The following GTF2A1 variants were observed in gnomAD, a reference collection of about 807,000 sequenced individuals.
GTF2A1 encodes general transcription factor IIA subunit 1.
GTF2A1 carries 12 observed loss-of-function variants against 54.1 expected under a neutral mutation model. That is an observed-to-expected ratio of 0.22 (90% CI 0.14 to 0.36). The LOEUF (loss-of-function observed/expected upper bound fraction) is 0.36, where lower values mean the gene tolerates loss of function less well. Ranked by LOEUF, GTF2A1 falls within the 10% of genes least tolerant of loss-of-function variation. GTF2A1 has a pLI of 1.00. For missense variants in GTF2A1, 335 were observed against 442.2 expected, an observed-to-expected ratio of 0.76 and a Z score of 2.17; for synonymous variants, 145 against 152.0, an observed-to-expected ratio of 0.95 and a Z score of 0.34.
At chr14:81,203,156 A>G (rs1294355035) in intron 3 of GTF2A1, among the ~76,000 whole-genome samples, 1 of 152,218 alleles carries the variant, frequency 6.6e-6, no homozygotes, top group Non-Finnish European at 1.5e-5. Flanking sequence ...TTCTGGGCTC[A>G]GATTTTCCTC....
chr14:81,193,167 CTT>C (rs766925954), intron 6 of GTF2A1, among the ~76,000 whole-genome samples: 16 of 139,700 alleles, frequency 1.1e-4, no homozygotes, highest in Admixed American at 1.4e-4. Flanking sequence ...CTGGGTCTAC[CTT>C]TTTTTTTTTT....
chr14:81,187,930 TACATTTCCACCA>T (rs1566852026), intron 7 of GTF2A1, among the ~76,000 whole-genome samples: 9 of 152,166 alleles, frequency 5.9e-5, no homozygotes, highest in Non-Finnish European at 1.2e-4. Flanking sequence ...TGTACCATTT[TACATTTCCACCA>T]ACAATGCACA....
intron 1 of GTF2A1, among the ~76,000 whole-genome samples, chr14:81,220,143 G>A (rs1382843016): frequency 1.3e-5 from 2 of 151,176 alleles, no homozygotes; most frequent in African/African-American, 2.4e-5. Context: ...CCCTCGGGGG[G>A]AAGCGGCGGC....
At chr14:81,180,440 A>G (rs1892616742) in intron 8 of GTF2A1, 110 bp from the exon 9 acceptor site, 3 of 576,292 alleles carry the variant, frequency 5.2e-6, no homozygotes, top group Non-Finnish European at 9.5e-6. Context: ...CCCCCACAAA[A>G]CAGTATTTAC....
At chr14:81,196,863 T>A (rs560111243) in intron 5 of GTF2A1, among the ~76,000 whole-genome samples, 122 of 152,158 alleles carry the variant, frequency 8.0e-4, no homozygotes, top group African/African-American at 2.8e-3. Flanking sequence ...ATTTACAAAT[T>A]AACAAAAATA....
intron 2 of GTF2A1, chr14:81,210,014 G>C (rs909836594): frequency 5.0e-6 from 3 of 597,746 alleles, no homozygotes; most frequent in Admixed American, 2.8e-5. Context: ...TGACATTTTC[G>C]GCAGGACAAT....
At position 81,220,579 on chromosome 14, in the gene GTF2A1, A is replaced by C; in HGVS notation, c.-61T>G. On this transcript the variant is annotated 5_prime_UTR_variant, in exon 1 of 9. Coordinates refer to ENST00000553612, the MANE Select transcript of GTF2A1 (RefSeq NM_015859.4). ...AAGAAAACAAGATAAAAACAAAACCAAAAAAAAAAAAACTATAACACCCGG... is the reference window on the plus strand; with the variant it reads ...AAGAAAACAAGATAAAAACAAAACCCAAAAAAAAAAAACTATAACACCCGG... 1 of 629,416 alleles carries C rather than the reference A, an allele frequency of 1.6e-6. No homozygotes were observed. Among genetic ancestry groups the C allele is most frequent in the Non-Finnish European group, 2.2e-6 (1 of 450,972 alleles). 39.0% of individuals were successfully genotyped at this position (629,416 alleles called of 1,614,324 possible). A position where few individuals can be genotyped will look rare whatever the true frequency, so the allele number is the denominator to read the frequency against.
chr14:81,184,557 T>C (rs893807859), intron 8 of GTF2A1, among the ~76,000 whole-genome samples: 4 of 152,160 alleles, frequency 2.6e-5, no homozygotes, highest in Admixed American at 2.0e-4. Context: ...GTAAATAAGA[T>C]CCATAGTGTT....
Position 81,219,697 on chromosome 14 carries a change from G to A in GTF2A1, c.30+792C>T, listed in dbSNP as rs905947885. On this transcript the variant is annotated intron_variant, in intron 1 of 8. Transcript: ENST00000553612. ...TCACACTGCGTTGGTGACTGAAAAG[G>A]TTATTTATGTGACTGCTTTTTGCAA... 2.0e-5 allele frequency among the ~76,000 whole-genome samples: 3 copies of A among 152,308 alleles called. No homozygotes were observed. The East Asian group carries it at 5.8e-4, about 29-fold the overall frequency.
In GTF2A1 at chr14:81,203,994, A is replaced by G; in HGVS notation, c.243T>C (p.His81=). 1 of 1,613,784 alleles carries G rather than the reference A, an allele frequency of 6.2e-7. No homozygotes were observed. The highest frequency in any genetic ancestry group is 8.5e-7 in the Non-Finnish European group (1 of 1,179,804). Residue 81 remains histidine (H), a synonymous_variant, in exon 3 of 9, where the codon CAT becomes CAC. Transcript: ENST00000553612. The part of the protein sequence containing the change: ...QQQHQPQQQQ[H]HHHHHHQQAQ... ...CTTGCTGATGATGGTGATGGTGGTG[A>G]TGCTGCTGCTGCTGGGGTTGATGCT...
In GTF2A1 at chr14:81,177,818, A is replaced by T. The variant is rs558051581; in HGVS notation, c.*2405T>A. Reference sequence around the variant, plus strand: ...AAAGATAAGCAAGTGACATTCTTACAGCAAAAGCTACTATAATAAAACTAA... The same window carrying T: ...AAAGATAAGCAAGTGACATTCTTACTGCAAAAGCTACTATAATAAAACTAA... On this transcript the variant is annotated 3_prime_UTR_variant, in exon 9 of 9. Transcript: ENST00000553612. 109 of 152,290 alleles carry T rather than the reference A, an allele frequency of 7.2e-4. No homozygotes were observed. The highest frequency in any genetic ancestry group is 2.6e-3 in the African/African-American group (108 of 41,594). 9.4% of individuals were successfully genotyped at this position (152,290 alleles called of 1,614,324 possible). A position where few individuals can be genotyped will look rare whatever the true frequency, so the allele number is the denominator to read the frequency against.
At chr14:81,192,921 A>AT in intron 6 of GTF2A1, 82 bp from the exon 7 acceptor site, 1 of 791,756 alleles carries the variant, frequency 1.3e-6, no homozygotes, top group South Asian at 1.7e-5. Flanking sequence ...AATGCTTAAG[A>AT]TTCACCAGAA....
rs1893373972 is a variant in GTF2A1, at chr14:81,211,875, T to TTACATATATATA, written c.132+4537_132+4538insTATATATATGTA. On this transcript the variant is annotated intron_variant, in intron 2 of 8. Transcript: ENST00000553612. ...ACATAATTAGAGTGTATCAAGTACTTTATATATATATATATATATATATAT... is the reference window on the plus strand; with the variant it reads ...ACATAATTAGAGTGTATCAAGTACTTTACATATATATATATATATATATATATATATATATAT... 4.4e-5 allele frequency among the ~76,000 whole-genome samples: 3 copies of TTACATATATATA among 68,494 alleles called. No homozygotes were observed. The East Asian group carries it at 9.5e-4, about 22-fold the overall frequency. 44.9% of individuals were successfully genotyped at this position (68,494 alleles called of 152,430 possible). A position where few individuals can be genotyped will look rare whatever the true frequency, so the allele number is the denominator to read the frequency against.
chr14:81,218,892 A>G lies in GTF2A1; in HGVS notation c.30+1597T>C, dbSNP rs528531728. Among the ~76,000 whole-genome samples the G allele has an allele frequency of 9.0e-4, 136 of 151,384 alleles. 1 individual carries two copies. The highest frequency in any genetic ancestry group is 3.2e-3 in the African/African-American group (131 of 41,192). On this transcript the variant is annotated intron_variant, in intron 1 of 8. Transcript: ENST00000553612. Reference sequence around the variant, plus strand: ...ATACTGAAGCTTTAGGTACTTATCTATTTCTCTGAAAAGCCTCGTGTCTTT... The same window carrying G: ...ATACTGAAGCTTTAGGTACTTATCTGTTTCTCTGAAAAGCCTCGTGTCTTT...
chr14:81,209,861 T>C, intron 2 of GTF2A1: 1 of 1,200,526 alleles, frequency 8.3e-7, no homozygotes, highest in Non-Finnish European at 1.1e-6. Context: ...ATTTCTATTT[T>C]GTACTTACCA....
chr14:81,184,875 T>C (rs1892709849), intron 8 of GTF2A1, among the ~76,000 whole-genome samples: 1 of 152,180 alleles, frequency 6.6e-6, no homozygotes, highest in East Asian at 1.9e-4. Flanking sequence ...AAAAAAACTG[T>C]ATTACAATTT....
At chr14:81,205,414 G>A (rs1047227586) in intron 2 of GTF2A1, among the ~76,000 whole-genome samples, 2 of 152,152 alleles carry the variant, frequency 1.3e-5, no homozygotes, top group African/African-American at 4.8e-5. Flanking sequence ...AATCTTACTG[G>A]CAGGCCCAGT....
Position 81,180,300 on chromosome 14 carries a change from G to T in GTF2A1, c.1054C>A (p.His352Asn). 6.7e-7 allele frequency: 1 copy of T among 1,496,972 alleles called. No homozygotes were observed. Among genetic ancestry groups the T allele is most frequent in the South Asian group, 1.2e-5 (1 of 85,646 alleles). 92.7% of individuals were successfully genotyped at this position (1,496,972 alleles called of 1,614,324 possible). The change falls in exon 9 of 9, where the codon CAT becomes AAT. Residue 352 changes from histidine (H) to asparagine (N), a missense_variant. Physicochemically the swap from His to Asn is moderately conservative, Grantham distance 68. Transcript: ENST00000553612. The stretch of plus-strand genomic sequence containing the variant: ...AGATTCATAATGCCATCCTTGAGAT[G>T]AAATTTCCATTTGTTTTTACTTCTG... ...IHRSKNKWKF[H>N]LKDGIMNLNG...
At chr14:81,217,691 C>G (rs922816538) in intron 1 of GTF2A1, among the ~76,000 whole-genome samples, 1 of 152,114 alleles carries the variant, frequency 6.6e-6, no homozygotes, top group Non-Finnish European at 1.5e-5. Context: ...GCTTGGGAGG[C>G]TGAGGTGGGA....
Sources: allele counts gnomAD v4.1 joint callset (sites outside exome capture counted in the v4.1 genomes callset), GRCh38; gene constraint gnomAD v4.1.1; transcripts MANE v1.5; gene names NCBI Gene and HGNC (gene_info 2026-07-23, HGNC 2026-07-21).